The following GPLD1 variants were observed in gnomAD, a reference collection of about 807,000 sequenced individuals.
GPLD1 encodes the protein glycosylphosphatidylinositol specific phospholipase D1.
A neutral mutation model predicts 112.6 loss-of-function variants in GPLD1; 84 were observed. The ratio of observed to expected loss-of-function variants is 0.75; its 90% CI spans 0.63 to 0.89. The LOEUF (loss-of-function observed/expected upper bound fraction) is 0.89, where lower values mean the gene tolerates loss of function less well. Ranked by LOEUF, GPLD1 falls within the 40% of genes least tolerant of loss-of-function variation. The pLI is 0.00. For missense variants in GPLD1, 1,044 were observed against 1,051.5 expected, an observed-to-expected ratio of 0.99 and a Z score of 0.10; for synonymous variants, 386 against 403.8, an observed-to-expected ratio of 0.96 and a Z score of 0.53.
At chr6:24,436,551 T>A in intron 22 of GPLD1, 25 bp downstream of exon 22, 1 of 1,599,576 alleles carries the variant, frequency 6.3e-7, no homozygotes, top group Non-Finnish European at 8.6e-7. Context: ...TCCCAATAAG[T>A]TATAGAATTT....
At position 24,486,147 on chromosome 6, in the gene GPLD1, CATAAATCA is replaced by C; in HGVS notation, c.98-25_98-18del. 1.4e-6 allele frequency: 2 copies of C among 1,473,152 alleles called. No individual in the cohort carries two copies. Among genetic ancestry groups the C allele is most frequent in the Non-Finnish European group, 1.9e-6 (2 of 1,061,022 alleles). The allele number at this position is 1,473,152 out of a possible 1,614,324, so 91.3% of individuals were successfully genotyped here. On this transcript the variant is annotated intron_variant, in intron 1 of 24. Transcript: ENST00000230036. ...CTCTGTGTCCTGAGAGAAATAAATA[CATAAATCA>C]ATTAAGTTCAACTATTACTGAAAAC... is the stretch of plus-strand genomic sequence containing the variant.
In GPLD1 at chr6:24,489,270, G is replaced by A. The variant is rs139229441; in HGVS notation, c.97+145C>T. The stretch of plus-strand genomic sequence containing the variant: ...CTATCCCTGGATGACTGCAATCACC[G>A]GCTTCTCCTCCCTGCTGTCAGGCCA... On this transcript the variant is annotated intron_variant, in intron 1 of 24. Transcript: ENST00000230036. 507 of 612,114 alleles carry A rather than the reference G, an allele frequency of 8.3e-4. 1 individual carries two copies. The highest frequency in any genetic ancestry group is 1.1e-3 in the Non-Finnish European group (387 of 342,950). The allele number at this position is 612,114 out of a possible 1,614,324, so 37.9% of individuals were successfully genotyped here.
chr6:24,471,196 A>C (rs1365446852), intron 7 of GPLD1, among the ~76,000 whole-genome samples: 1 of 152,184 alleles, frequency 6.6e-6, no homozygotes, highest in African/African-American at 2.4e-5. Context: ...TATACATAAC[A>C]TTTTAATTTA....
At position 24,436,704 on chromosome 6, in the gene GPLD1, C is replaced by T. The variant is rs1314242310; in HGVS notation, c.2230G>A (p.Ala744Thr). The change falls in exon 22 of 25, where the codon GCA becomes ACA. Residue 744 changes from alanine (A) to threonine (T), a missense_variant. Ala to Thr is a moderately conservative substitution (Grantham distance 58, BLOSUM62 0). Transcript: ENST00000230036. ...CCAATCAGTCCAGAGGTTACATCTG[C>T]TATCCTCAGGGGGGCTGCCATGATG... ...EIIMAAPLRI[A>T]DVTSGLIGGE... 6.2e-7 allele frequency: 1 copy of T among 1,614,052 alleles called. No homozygotes were observed. The highest frequency in any genetic ancestry group is 8.5e-7 in the Non-Finnish European group (1 of 1,179,982).
chr6:24,424,486 A>G (rs1762161922), downstream of GPLD1: 1 of 152,190 alleles, frequency 6.6e-6, no homozygotes, highest in East Asian at 1.9e-4. Context: ...CTGCTAATCT[A>G]TATGCCTACA....
intron 10 of GPLD1, 70 bp from the exon 11 acceptor site, chr6:24,462,865 G>T: frequency 9.0e-7 from 1 of 1,112,056 alleles, no homozygotes; most frequent in Non-Finnish European, 1.4e-6. Flanking sequence ...CCGAGAATCG[G>T]TAGTGCGCTT....
intron 13 of GPLD1, among the ~76,000 whole-genome samples, chr6:24,455,992 T>G (rs139829126): frequency 6.6e-6 from 1 of 152,086 alleles, no homozygotes; most frequent in African/African-American, 2.4e-5. Flanking sequence ...CTGGGCAACA[T>G]AGCAAGACCC....
intron 1 of GPLD1, chr6:24,494,891 C>G (rs914561844): frequency 2.0e-5 from 24 of 1,183,082 alleles, no homozygotes; most frequent in Non-Finnish European, 2.5e-5. Flanking sequence ...ACGCTTTCCC[C>G]GCGCGTCCCC....
chr6:24,440,441 G>A (rs1762708745), intron 20 of GPLD1, among the ~76,000 whole-genome samples: 1 of 151,762 alleles, frequency 6.6e-6, no homozygotes, highest in South Asian at 2.1e-4. Flanking sequence ...AAGACCCTAT[G>A]GCTTAAAAAG....
At chr6:24,484,017 G>A (rs183209504) in intron 2 of GPLD1, among the ~76,000 whole-genome samples, 25 of 152,046 alleles carry the variant, frequency 1.6e-4, no homozygotes, top group Non-Finnish European at 3.2e-4. Flanking sequence ...CCGGGTTCAC[G>A]CCATTCTCCC....
Position 24,466,909 on chromosome 6 carries a change from T to C in GPLD1, c.681+3A>G, listed in dbSNP as rs371635995. On this transcript the variant is annotated splice_donor_region_variant and intron_variant, in intron 9 of 24. Coordinates refer to ENST00000230036, the MANE Select transcript of GPLD1 (RefSeq NM_001503.4). ...TTAAGATTTGGAAGAATGACGCCTT[T>C]ACCTTGGAAACAGCTAGCATCTCAC... 1.0e-4 allele frequency: 167 copies of C among 1,610,590 alleles called. No homozygotes were observed. The highest frequency in any genetic ancestry group is 1.2e-4 in the Non-Finnish European group (143 of 1,176,788).
At chr6:24,463,480 G>T (rs1208577586) in intron 10 of GPLD1, among the ~76,000 whole-genome samples, 1 of 152,156 alleles carries the variant, frequency 6.6e-6, no homozygotes, top group Non-Finnish European at 1.5e-5. Context: ...CCAAAAAGGA[G>T]GTGGGAAAAA....
intron 20 of GPLD1, among the ~76,000 whole-genome samples, chr6:24,438,590 A>G (rs1002763878): frequency 5.3e-5 from 8 of 152,230 alleles, no homozygotes; most frequent in African/African-American, 1.7e-4. Context: ...ACAGTCAGAT[A>G]TAACAGCTAG....
Position 24,473,619 on chromosome 6 carries a change from C to CA in GPLD1, c.489dup (p.Gly164TrpfsTer9), listed in dbSNP as rs1763900260. 2 of 1,598,928 alleles carry CA rather than the reference C, an allele frequency of 1.3e-6. No individual in the cohort carries two copies. The highest frequency in any genetic ancestry group is 2.2e-5 in the South Asian group (2 of 90,682). ...TTTAGCAAATGTAAATAAACAGTACCAAAATCACCAGCCGAATGAGCCTCT... is the reference window on the plus strand; with the variant it reads ...TTTAGCAAATGTAAATAAACAGTACCAAAAATCACCAGCCGAATGAGCCTCT... On this transcript the variant is annotated frameshift_variant and splice_region_variant, in exon 6 of 25. Transcript: ENST00000230036. LOFTEE classifies it high-confidence loss of function.
intron 12 of GPLD1, among the ~76,000 whole-genome samples, chr6:24,457,305 C>T (rs537168430): frequency 2.0e-5 from 3 of 152,084 alleles, no homozygotes; most frequent in Admixed American, 6.5e-5. Context: ...CATGGAGAAA[C>T]CCCATCTCAA....
intron 12 of GPLD1, 143 bp from the exon 13 acceptor site, chr6:24,456,780 T>C (rs2127345530): frequency 5.5e-6 from 3 of 544,262 alleles, no homozygotes; most frequent in South Asian, 6.0e-5. Flanking sequence ...TTAGGTCCTA[T>C]CAGCAAGTAA....
At chr6:24,482,239 T>C (rs563469490) in intron 2 of GPLD1, among the ~76,000 whole-genome samples, 19 of 151,994 alleles carry the variant, frequency 1.3e-4, no homozygotes, top group Non-Finnish European at 2.2e-4. Flanking sequence ...TAGCTGGGAT[T>C]ACAGGCACTG....
At chr6:24,438,965 G>A (rs1295152682) in intron 20 of GPLD1, among the ~76,000 whole-genome samples, 3 of 152,078 alleles carry the variant, frequency 2.0e-5, no homozygotes, top group East Asian at 3.9e-4. Flanking sequence ...TGTATTTTTA[G>A]TAGAGACAGG....
chr6:24,488,901 G>A (rs1764472174), intron 1 of GPLD1, among the ~76,000 whole-genome samples: 1 of 152,028 alleles, frequency 6.6e-6, no homozygotes, highest in Non-Finnish European at 1.5e-5. Context: ...CGTGCATGTG[G>A]ATAACTAAAC....
Sources: gnomAD v4.1 joint callset for allele counts (sites outside exome capture counted in the v4.1 genomes callset) on GRCh38, gnomAD v4.1.1 for gene constraint, MANE v1.5 for transcripts, NCBI Gene and HGNC (gene_info 2026-07-23, HGNC 2026-07-21) for gene names.